PFKFB4: variants seen among roughly 807,000 people sequenced by gnomAD.
PFKFB4 encodes the protein 6-phosphofructo-2-kinase/fructose-2,6-biphosphatase 4.
PFKFB4 carries 42 observed loss-of-function variants against 62.8 expected under a neutral mutation model. That is an observed-to-expected ratio of 0.67 (90% confidence interval 0.52 to 0.86). PFKFB4 has a LOEUF of 0.86. Among genes scored for constraint, PFKFB4 ranks in the 40% least tolerant of loss-of-function variants. PFKFB4 has a pLI of 0.00. For synonymous variants in PFKFB4, 204 were observed against 240.7 expected, an observed-to-expected ratio of 0.85 and a Z score of 1.41; for missense variants, 475 against 627.2, an observed-to-expected ratio of 0.76 and a Z score of 2.59.
At chr3:48,533,292 T>C (rs1432914013) in intron 9 of PFKFB4, among the ~76,000 whole-genome samples, 1 of 152,168 alleles carries the variant, frequency 6.6e-6, no homozygotes, top group Non-Finnish European at 1.5e-5. Context: ...TGGTGAGAGT[T>C]GCATAACAAT....
chr3:48,534,491 G>A (rs1322818808), intron 9 of PFKFB4, among the ~76,000 whole-genome samples: 1 of 152,060 alleles, frequency 6.6e-6, no homozygotes, highest in Non-Finnish European at 1.5e-5. Flanking sequence ...GCAACATCAT[G>A]AGACTCCGTC....
At chr3:48,551,318 C>T (rs1307947076) in intron 1 of PFKFB4, among the ~76,000 whole-genome samples, 7 of 150,216 alleles carry the variant, frequency 4.7e-5, no homozygotes, top group East Asian at 2.0e-4. Context: ...CAGGTTCAAG[C>T]GATTCTCCTG....
intron 13 of PFKFB4, among the ~76,000 whole-genome samples, chr3:48,520,158 G>T (rs1239755399): frequency 6.6e-6 from 1 of 152,134 alleles, no homozygotes; most frequent in Non-Finnish European, 1.5e-5. Flanking sequence ...TCATCTGTGG[G>T]GCAGGGAAGG....
upstream of PFKFB4, chr3:48,557,005 G>C (rs1400157222): frequency 1.5e-6 from 2 of 1,349,858 alleles, no homozygotes; most frequent in Non-Finnish European, 1.9e-6. Flanking sequence ...TTTGGAACAA[G>C]TGGGCCCAGT....
intron 3 of PFKFB4, among the ~76,000 whole-genome samples, chr3:48,544,548 G>A (rs1208796548): frequency 6.8e-6 from 1 of 147,436 alleles, no homozygotes; most frequent in Non-Finnish European, 1.5e-5. Context: ...CTGGGCTCAA[G>A]CAATCTTCCT....
At chr3:48,529,811 A>G (rs2042378292) in intron 9 of PFKFB4, among the ~76,000 whole-genome samples, 1 of 152,174 alleles carries the variant, frequency 6.6e-6, no homozygotes, top group Non-Finnish European at 1.5e-5. Flanking sequence ...AAAATTAGCC[A>G]GGCGTAGTGT....
intron 4 of PFKFB4, among the ~76,000 whole-genome samples, chr3:48,541,536 G>A (rs1356671081): frequency 6.6e-6 from 1 of 152,148 alleles, no homozygotes; most frequent in Admixed American, 6.5e-5. Flanking sequence ...CTCCCAAAGT[G>A]CTGGGATTAC....
intron 1 of PFKFB4, among the ~76,000 whole-genome samples, chr3:48,552,862 T>C (rs2043198254): frequency 6.6e-6 from 1 of 152,132 alleles, no homozygotes; most frequent in East Asian, 1.9e-4. Flanking sequence ...CAGCACAAGG[T>C]GGGCAGGCAG....
At chr3:48,530,317 A>G (rs1252763619) in intron 9 of PFKFB4, among the ~76,000 whole-genome samples, 4 of 152,120 alleles carry the variant, frequency 2.6e-5, no homozygotes, top group African/African-American at 9.7e-5. Context: ...CTGCCCAATT[A>G]CATCGAAAAA....
chr3:48,523,579 A>G lies in PFKFB4; in HGVS notation c.1243T>C (p.Cys415Arg). 6.2e-7 allele frequency: 1 copy of G among 1,614,158 alleles called. No homozygotes were observed. Residue 415 changes from cysteine (C) to arginine (R), a missense_variant, in exon 12 of 14, where the codon TGT (cysteine) becomes CGT (arginine). By Grantham distance (180) the Cys-to-Arg change is radical. Coordinates refer to ENST00000232375, the MANE Select transcript of PFKFB4 (RefSeq NM_004567.4). ...KAAEQLPYLK[C>R]PLHTVLKLTP... ...AGCTTCAGGACTGTGTGCAGCGGAC[A>G]CTTGAGGTAGGGCAGCTGTTCTGTA...
At chr3:48,559,473 A>T (rs895554794), upstream of PFKFB4, 14 of 456,260 alleles carry the variant, frequency 3.1e-5, no homozygotes, top group Non-Finnish European at 6.2e-5. Flanking sequence ...CTTGCCTGCC[A>T]CACTACAGTG....
intron 12 of PFKFB4, 113 bp downstream of exon 12, chr3:48,523,424 G>A: frequency 9.9e-7 from 1 of 1,008,762 alleles, no homozygotes; most frequent in Non-Finnish European, 1.5e-6. Context: ...GGGGTAGTAG[G>A]TGGAGGAATG....
At position 48,535,668 on chromosome 3, in the gene PFKFB4, A is replaced by T; in HGVS notation, c.841-10T>A. 1 of 1,614,072 alleles carries T rather than the reference A, an allele frequency of 6.2e-7. No homozygotes were observed. The highest frequency in any genetic ancestry group is 8.5e-7 in the Non-Finnish European group (1 of 1,179,948). ...CTAGACTCTTGGCAAACTGAAATAC[A>T]TCATAAGCAAACTCAGACCCACAGG... On this transcript the variant is annotated splice_polypyrimidine_tract_variant and intron_variant, in intron 8 of 13. Transcript: ENST00000232375.
At chr3:48,559,521 C>T (rs548382347), upstream of PFKFB4, 1 of 457,168 alleles carries the variant, frequency 2.2e-6, no homozygotes, top group East Asian at 6.9e-5. Flanking sequence ...TGCTCCCACT[C>T]CCCTGTGTCC....
At chr3:48,536,064 C>T (rs1314543614) in intron 8 of PFKFB4, among the ~76,000 whole-genome samples, 192 bp downstream of exon 8, 1 of 152,238 alleles carries the variant, frequency 6.6e-6, no homozygotes, top group Non-Finnish European at 1.5e-5. Context: ...AACCAGAGAT[C>T]CAGGCATTTG....
At position 48,523,759 on chromosome 3, in the gene PFKFB4, G is replaced by A; in HGVS notation, c.1164C>T (p.Val388=). The part of the protein sequence containing the change: ...MELERQENVL[V]ICHQAVMRCL... ...AGCGCATCACAGCCTGGTGGCAGAT[G>A]ACCAGCACATTCTCTTGCCTCTCCA... Residue 388 remains valine (V), a synonymous_variant, in exon 11 of 14, where the codon GTC becomes GTT. Coordinates refer to ENST00000232375, the MANE Select transcript of PFKFB4 (RefSeq NM_004567.4). 1.2e-6 allele frequency: 2 copies of A among 1,614,194 alleles called. No homozygotes were observed. Among genetic ancestry groups the A allele is most frequent in the Non-Finnish European group, 1.7e-6 (2 of 1,180,034 alleles).
At chr3:48,539,399 T>A in intron 5 of PFKFB4, 89 bp from the exon 6 acceptor site, 1 of 1,124,690 alleles carries the variant, frequency 8.9e-7, no homozygotes, top group African/African-American at 1.5e-5. Context: ...GAGCTCTCCA[T>A]CCCCTGAGGC....
chr3:48,539,500 C>G, intron 5 of PFKFB4, 190 bp from the exon 6 acceptor site: 1 of 688,830 alleles, frequency 1.5e-6, no homozygotes, highest in Non-Finnish European at 2.6e-6. Flanking sequence ...GTGCTGCCCT[C>G]TCCTAGACTC....
chr3:48,550,074 A>G, intron 2 of PFKFB4, 44 bp downstream of exon 2: 1 of 1,479,326 alleles, frequency 6.8e-7, no homozygotes, highest in Non-Finnish European at 9.5e-7. Context: ...TCTCTTCGTC[A>G]TGCCCCACAA....
Sources: allele counts gnomAD v4.1 joint callset (sites outside exome capture counted in the v4.1 genomes callset), GRCh38; gene constraint gnomAD v4.1.1; transcripts MANE v1.5; gene names NCBI Gene and HGNC (gene_info 2026-07-23, HGNC 2026-07-21).